LEPROTL1: variants seen among roughly 807,000 people sequenced by gnomAD.
The protein encoded by LEPROTL1 is leptin receptor overlapping transcript like 1.
A neutral mutation model predicts 15.4 loss-of-function variants in LEPROTL1; 6 were observed. The ratio of observed to expected loss-of-function variants is 0.39; its 90% CI spans 0.21 to 0.77. The LOEUF (loss-of-function observed/expected upper bound fraction) is 0.77. Among genes scored for constraint, LEPROTL1 ranks in the 30% least tolerant of loss-of-function variants. The pLI is 0.41. For synonymous variants in LEPROTL1, 56 were observed against 52.6 expected (o/e 1.06, Z -0.28); for missense variants, 128 against 158.1 (o/e 0.81, Z 1.02).
chr8:30,095,787 C>T (rs1424742673), intron 1 of LEPROTL1: 14 of 700,410 alleles, frequency 2.0e-5, no homozygotes, highest in Non-Finnish European at 3.6e-5. Context: ...TCCCACCCAT[C>T]GCCCCCCGGA....
intron 2 of LEPROTL1, among the ~76,000 whole-genome samples, chr8:30,103,507 A>G (rs1234946163): frequency 1.3e-5 from 2 of 152,062 alleles, no homozygotes; most frequent in Non-Finnish European, 2.9e-5. Context: ...TTGGGAGGCC[A>G]AGGTGGGTGG....
intron 3 of LEPROTL1, among the ~76,000 whole-genome samples, chr8:30,114,133 C>T (rs2117502155): frequency 6.6e-6 from 1 of 152,222 alleles, no homozygotes; most frequent in South Asian, 2.1e-4. Flanking sequence ...ATAGTATAAT[C>T]TTAATATGGA....
In LEPROTL1 at chr8:30,106,891, A is replaced by G; in HGVS notation, c.*1029A>G. On this transcript the variant is annotated 3_prime_UTR_variant, in exon 4 of 4. Coordinates refer to ENST00000321250, the MANE Select transcript of LEPROTL1 (RefSeq NM_015344.3). ...AATAACTTTTCAAATATAGTTTAAT[A>G]ACACTTAGAAGTGTTTACTTACCTG... 1 of 982,836 alleles carries G rather than the reference A, an allele frequency of 1.0e-6. No homozygotes were observed. The highest frequency in any genetic ancestry group is 1.2e-6 in the Non-Finnish European group (1 of 827,166). 60.9% of individuals were successfully genotyped at this position (982,836 alleles called of 1,614,324 possible). A position where few individuals can be genotyped will look rare whatever the true frequency, so the allele number is the denominator to read the frequency against.
chr8:30,112,458 C>A (rs1299393257), downstream of LEPROTL1, among the ~76,000 whole-genome samples: 1 of 119,606 alleles, frequency 8.4e-6, no homozygotes, highest in African/African-American at 3.1e-5. Flanking sequence ...CAGGGTTTCA[C>A]CATGTTGGCC....
intron 4 of LEPROTL1, among the ~76,000 whole-genome samples, chr8:30,134,998 C>T (rs1479618095): frequency 6.6e-6 from 1 of 152,074 alleles, no homozygotes; most frequent in Non-Finnish European, 1.5e-5. Flanking sequence ...TCCCACCTCT[C>T]CCTCCTGAGA....
Position 30,128,751 on chromosome 8 carries a change from C to CA in LEPROTL1, c.280-3608dup, listed in dbSNP as rs60440341. On this transcript the variant is annotated intron_variant, in intron 3 of 4. Coordinates refer to the LEPROTL1 transcript ENST00000442880. ...TGGGTGACAGAGCCAGGCCCTGTTT[C>CA]AAAAAAAAAAAAAAAATACTGAAGT... Among the ~76,000 whole-genome samples the CA allele has an allele frequency of 9.3e-3, 1,080 of 115,518 alleles. 11 individuals carry two copies. Among genetic ancestry groups the CA allele is most frequent in the African/African-American group, 0.028 (888 of 31,470 alleles). The allele number at this position is 115,518 out of a possible 152,430, so 75.8% of individuals were successfully genotyped here. A position where few individuals can be genotyped will look rare whatever the true frequency, so the allele number is the denominator to read the frequency against.
At chr8:30,130,883 G>A (rs1002958965) in intron 3 of LEPROTL1, among the ~76,000 whole-genome samples, 3 of 150,610 alleles carry the variant, frequency 2.0e-5, no homozygotes, top group African/African-American at 4.9e-5. Flanking sequence ...GGATTCAAGC[G>A]ATTCTCCTGC....
intron 2 of LEPROTL1, among the ~76,000 whole-genome samples, 161 bp from the exon 3 acceptor site, chr8:30,104,139 G>C (rs1168210789): frequency 6.6e-6 from 1 of 152,148 alleles, no homozygotes. Flanking sequence ...GGAGTTCCTC[G>C]TGTTGTAAGG....
At chr8:30,095,558 CT>C in intron 1 of LEPROTL1, 30 bp downstream of exon 1, 1 of 1,363,706 alleles carries the variant, frequency 7.3e-7, no homozygotes, top group Non-Finnish European at 9.4e-7. Context: ...CGCGGGAGGG[CT>C]GGGGCCGGCG....
downstream of LEPROTL1, among the ~76,000 whole-genome samples, chr8:30,111,930 T>C (rs1053883403): frequency 1.3e-5 from 2 of 152,014 alleles, no homozygotes; most frequent in Non-Finnish European, 2.9e-5. Context: ...CCAGATACCA[T>C]GGAGATATAA....
intron 3 of LEPROTL1, among the ~76,000 whole-genome samples, chr8:30,122,385 A>G (rs1236312098): frequency 6.6e-6 from 1 of 152,166 alleles, no homozygotes; most frequent in Non-Finnish European, 1.5e-5. Flanking sequence ...TCCTCAAGCA[A>G]TCCTCCCACC....
chr8:30,109,038 G>T (rs1464377810), downstream of LEPROTL1, among the ~76,000 whole-genome samples: 1 of 25,856 alleles, frequency 3.9e-5, no homozygotes, highest in Admixed American at 3.9e-4. Context: ...CCACCCCCCC[G>T]CCCCGAAAAA....
rs1439974202 is a variant in LEPROTL1, at chr8:30,107,806, G to A, written c.*1944G>A. The A allele has an allele frequency of 2.0e-6, 2 of 985,352 alleles. No homozygotes were observed. Among genetic ancestry groups the A allele is most frequent in the Non-Finnish European group, 1.2e-6 (1 of 829,922 alleles). 61.0% of individuals were successfully genotyped at this position (985,352 alleles called of 1,614,324 possible). A position where few individuals can be genotyped will look rare whatever the true frequency, so the allele number is the denominator to read the frequency against. ...TCCTTCCCTATTTTCTGTTCTGGAT[G>A]TCAGTGCAGTGCACTGCTACTGTTT... On this transcript the variant is annotated 3_prime_UTR_variant, in exon 4 of 4. Coordinates refer to ENST00000321250, the MANE Select transcript of LEPROTL1 (RefSeq NM_015344.3).
intron 3 of LEPROTL1, among the ~76,000 whole-genome samples, chr8:30,114,806 C>T (rs1261721266): frequency 6.6e-6 from 1 of 152,182 alleles, no homozygotes; most frequent in Non-Finnish European, 1.5e-5. Flanking sequence ...GGAACCTGGG[C>T]TATCAGTAGC....
intron 3 of LEPROTL1, among the ~76,000 whole-genome samples, chr8:30,121,102 T>C (rs1248279768): frequency 6.6e-6 from 1 of 152,230 alleles, no homozygotes; most frequent in Non-Finnish European, 1.5e-5. Flanking sequence ...AGCTGTATAT[T>C]GTTTACTGAT....
At position 30,103,066 on chromosome 8, in the gene LEPROTL1, G is replaced by T. The variant is rs1228804588; in HGVS notation, c.92+1093G>T. On this transcript the variant is annotated intron_variant, in intron 2 of 3. Coordinates refer to ENST00000321250, the MANE Select transcript of LEPROTL1 (RefSeq NM_015344.3). ...GTTCAAGCAGCCTTGTTTATTTTTTGGTTTTTGTTTTTGTTTTGTTGTTTT... is the reference window on the plus strand; with the variant it reads ...GTTCAAGCAGCCTTGTTTATTTTTTTGTTTTTGTTTTTGTTTTGTTGTTTT... 3.9e-5 allele frequency among the ~76,000 whole-genome samples: 6 copies of T among 151,914 alleles called. No homozygotes were observed. In the South Asian group the frequency reaches 6.2e-4, roughly 16 times the overall value.
chr8:30,108,007 A>G lies in LEPROTL1; in HGVS notation c.*2145A>G. On this transcript the variant is annotated 3_prime_UTR_variant, in exon 4 of 4. Transcript: ENST00000321250. ...ATAGAATATGCACTGATACAATATT[A>G]CCATTCTTCTATGGAAAGAAAACTT... 4 of 950,692 alleles carry G rather than the reference A, an allele frequency of 4.2e-6. No individual in the cohort carries two copies. The highest frequency in any genetic ancestry group is 5.0e-6 in the Non-Finnish European group (4 of 798,320). 58.9% of individuals were successfully genotyped at this position (950,692 alleles called of 1,614,324 possible).
Position 30,132,392 on chromosome 8 carries a change from CG to C in LEPROTL1, c.301del (p.Asp101ThrfsTer9). 1 of 1,551,734 alleles carries C rather than the reference CG, an allele frequency of 6.4e-7. No homozygotes were observed. Among genetic ancestry groups the C allele is most frequent in the Non-Finnish European group, 8.7e-7 (1 of 1,147,012 alleles). On this transcript the variant is annotated frameshift_variant, in exon 4 of 5. Transcript: ENST00000442880. LOFTEE classifies it high-confidence loss of function. ...CTTTCCAGGGTCCAGATGTCTGCAT[CG>C]GGGACATATCCCTCCTCTCCAGGGC...
chr8:30,096,276 TA>T, intron 1 of LEPROTL1: 2 of 975,740 alleles, frequency 2.0e-6, no homozygotes, highest in Non-Finnish European at 1.2e-6. Flanking sequence ...TATTTTCTTT[TA>T]AAAAAAGGAA....
Sources: allele counts gnomAD v4.1 joint callset (sites outside exome capture counted in the v4.1 genomes callset), GRCh38; gene constraint gnomAD v4.1.1; transcripts MANE v1.5; gene names NCBI Gene and HGNC (gene_info 2026-07-23, HGNC 2026-07-21).